Variants in MCM5 observed in about 807,000 individuals in gnomAD.
MCM5 encodes the protein DNA replication licensing factor MCM5.
Under a neutral mutation model 79.9 loss-of-function variants are expected in MCM5, and 46 were observed. That is an observed-to-expected ratio of 0.58 (90% confidence interval 0.45 to 0.74). MCM5 has a LOEUF of 0.74. Ranked by LOEUF, MCM5 falls within the 30% of genes least tolerant of loss-of-function variation. The pLI is 0.00. For missense variants in MCM5, 883 were observed against 1,017.0 expected, an observed-to-expected ratio of 0.87 and a Z score of 1.79; for synonymous variants, 404 against 390.5, an observed-to-expected ratio of 1.03 and a Z score of -0.41.
the MCM5 span, among the ~76,000 whole-genome samples, chr22:35,435,786 G>A: frequency 6.6e-6 from 1 of 152,342 alleles, no homozygotes; most frequent in African/African-American, 2.4e-5. Flanking sequence ...ATCTGCTGCA[G>A]GCCTGCTGGG....
chr22:35,406,752 G>A, intron 5 of MCM5, 27 bp downstream of exon 5: 1 of 1,601,114 alleles, frequency 6.2e-7, no homozygotes, highest in South Asian at 1.1e-5. Context: ...GAGGGACTGT[G>A]GGAGGTGACC....
Position 35,408,625 on chromosome 22 carries a change from AC to A in MCM5, c.752+65del, listed in dbSNP as rs1262345130. 11 of 1,554,040 alleles carry A rather than the reference AC, an allele frequency of 7.1e-6. No homozygotes were observed. The African/African-American group carries it at 8.1e-5, about 11-fold the overall frequency. On this transcript the variant is annotated intron_variant, in intron 6 of 16. Transcript: ENST00000216122. ...GGTGGATGTCCCAGCTGTGGCCCTA[AC>A]CCGAGTGTTGGGAGTGGGTCATCTG... is the stretch of plus-strand genomic sequence containing the variant.
At chr22:35,424,059 T>A in intron 16 of MCM5, 95 bp from the exon 17 acceptor site, 1 of 765,452 alleles carries the variant, frequency 1.3e-6, no homozygotes, top group Non-Finnish European at 2.1e-6. Context: ...CAAAGGAGCC[T>A]GAGTACAAAG....
chr22:35,439,342 T>A, the MCM5 span, among the ~76,000 whole-genome samples: 1 of 150,834 alleles, frequency 6.6e-6, no homozygotes, highest in Non-Finnish European at 1.5e-5. Flanking sequence ...TACCCACATA[T>A]TCATTCATCC....
rs1555903425 is a variant in MCM5 at position 35,406,302 on chromosome 22, C to CCCCG, written c.424-248_424-247insGCCC. Among the ~76,000 whole-genome samples the CCCCG allele has an allele frequency of 1.6e-3, 227 of 142,978 alleles. 5 individuals carry two copies. Among genetic ancestry groups the CCCCG allele is most frequent in the African/African-American group, 5.8e-3 (221 of 38,242 alleles). 93.8% of individuals were successfully genotyped at this position (142,978 alleles called of 152,430 possible). ...GTGTATCTCTTGCCCTGCCACCTCC[C>CCCCG]CCCCCAATTGTGCTGCGAGGTCTTT... is the stretch of plus-strand genomic sequence containing the variant. On this transcript the variant is annotated intron_variant, in intron 4 of 16. Coordinates refer to ENST00000216122, the MANE Select transcript of MCM5 (RefSeq NM_006739.4).
intron 11 of MCM5, 43 bp from the exon 12 acceptor site, chr22:35,416,595 C>T: frequency 2.6e-6 from 4 of 1,521,728 alleles, no homozygotes; most frequent in Non-Finnish European, 3.6e-6. Flanking sequence ...AAGAAGGCAT[C>T]TTTGCCATCT....
rs370921899 is a variant in MCM5, at chr22:35,415,876, G to A, written c.1251G>A (p.Ser417=). ...GCAGCGCAGCTGGACTGACAGCCTC[G>A]GTGATGAGGGACCCTTCGTCCCGGA... ...KGSSAAGLTA[S]VMRDPSSRNF... Residue 417 remains serine (S), a synonymous_variant, in exon 10 of 17, where the codon TCG becomes TCA. Transcript: ENST00000216122. 55 of 1,614,022 alleles carry A rather than the reference G, an allele frequency of 3.4e-5. No homozygotes were observed. Among genetic ancestry groups the A allele is most frequent in the Non-Finnish European group, 4.1e-5 (48 of 1,180,012 alleles).
At chr22:35,429,232 T>C (rs1234543309), downstream of MCM5, among the ~76,000 whole-genome samples, 2 of 151,892 alleles carry the variant, frequency 1.3e-5, no homozygotes, top group African/African-American at 4.8e-5. Flanking sequence ...GTGATCCACC[T>C]GCCTCGGCCT....
intron 13 of MCM5, among the ~76,000 whole-genome samples, chr22:35,418,371 A>G (rs575576779): frequency 4.6e-5 from 7 of 152,284 alleles, no homozygotes; most frequent in East Asian, 3.9e-4. Context: ...AATTATATAC[A>G]TAGTACTGGC....
intron 14 of MCM5, 59 bp downstream of exon 14, chr22:35,420,071 G>A: frequency 1.3e-6 from 2 of 1,531,966 alleles, no homozygotes; most frequent in Non-Finnish European, 1.8e-6. Context: ...ACAGCAGGGT[G>A]TGCTTGGCAA....
At chr22:35,444,507 C>T in the MCM5 span, among the ~76,000 whole-genome samples, 2 of 152,104 alleles carry the variant, frequency 1.3e-5, no homozygotes, top group East Asian at 1.9e-4. Context: ...CCTGGGCTGT[C>T]GCGGCCCAGA....
rs1349962902 is a variant in MCM5 at position 35,406,673 on chromosome 22, A to G, written c.544A>G (p.Ile182Val). 2.5e-6 allele frequency: 4 copies of G among 1,611,584 alleles called. No individual in the cohort carries two copies. Among genetic ancestry groups the G allele is most frequent in the Non-Finnish European group, 3.4e-6 (4 of 1,179,996 alleles). Residue 182 changes from isoleucine to valine, a missense_variant, in exon 5 of 17, where the codon ATT (isoleucine) becomes GTT (valine). Physicochemically the swap from Ile to Val is conservative, Grantham distance 29. This residue lies in a region of MCM5 where 455 missense variants were observed against 517.5 expected (regional missense o/e 0.88). Coordinates refer to ENST00000216122, the MANE Select transcript of MCM5 (RefSeq NM_006739.4). ...CAGCTGCCGCAACACCCTCACCAACATTGCCATGCGCCCTGGCCTCGAGGG... is the reference window on the plus strand; with the variant it reads ...CAGCTGCCGCAACACCCTCACCAACGTTGCCATGCGCCCTGGCCTCGAGGG... ...CRSCRNTLTNIAMRPGLEGYA... is the reference protein window; with the variant it reads ...CRSCRNTLTNVAMRPGLEGYA...
rs748906363 is a variant in MCM5 at position 35,425,096 on chromosome 22, A to C, written c.*841A>C. On this transcript the variant is annotated 3_prime_UTR_variant, in exon 17 of 17. Transcript: ENST00000216122. ...GGGGGATTCCTCACCCTGAGTTGTG[A>C]GGATTGAATGACAGAAGGCACTAGT... The C allele has an allele frequency of 1.3e-5, 2 of 152,142 alleles. No homozygotes were observed. The highest frequency in any genetic ancestry group is 4.8e-5 in the African/African-American group (2 of 41,436). 9.4% of individuals were successfully genotyped at this position (152,142 alleles called of 1,614,324 possible).
rs1293440847 is a variant in MCM5 at position 35,400,462 on chromosome 22, C to T, written c.24C>T (p.Gly8=). The change falls in exon 2 of 17, where the codon GGC becomes GGT. Residue 8 remains glycine (G), a synonymous_variant. Coordinates refer to ENST00000216122, the MANE Select transcript of MCM5 (RefSeq NM_006739.4). MSGFDDP[G]IFYSDSFGGD... ...TCATGTCGGGATTCGACGATCCTGG[C>T]ATTTTCTACAGCGACAGCTTCGGGG... The T allele has an allele frequency of 2.5e-6, 4 of 1,613,984 alleles. No individual in the cohort carries two copies. Among genetic ancestry groups the T allele is most frequent in the East Asian group, 2.2e-5 (1 of 44,892 alleles).
chr22:35,427,367 T>A (rs1300034866), downstream of MCM5, among the ~76,000 whole-genome samples: 2 of 152,246 alleles, frequency 1.3e-5, no homozygotes, highest in Non-Finnish European at 2.9e-5. Context: ...ACAAAAATGT[T>A]GAATTTCTAA....
chr22:35,426,527 C>T (rs1482745231), downstream of MCM5, among the ~76,000 whole-genome samples: 2 of 152,170 alleles, frequency 1.3e-5, no homozygotes, highest in African/African-American at 2.4e-5. Context: ...TCAGATCTGT[C>T]CCTACCCTCA....
the MCM5 span, among the ~76,000 whole-genome samples, chr22:35,439,329 A>T: frequency 6.6e-6 from 1 of 151,800 alleles, no homozygotes; most frequent in Non-Finnish European, 1.5e-5. Flanking sequence ...CCATCCATCC[A>T]TCTACCCACA....
At chr22:35,428,019 CTCT>C (rs1351555866), downstream of MCM5, among the ~76,000 whole-genome samples, 4 of 122,926 alleles carry the variant, frequency 3.3e-5, no homozygotes, top group African/African-American at 1.3e-4. Context: ...CTCTCTCTCT[CTCT>C]TTTTTTTTTT....
intron 12 of MCM5, 136 bp from the exon 13 acceptor site, chr22:35,417,608 C>T (rs1463015875): frequency 1.2e-5 from 8 of 680,960 alleles, no homozygotes; most frequent in East Asian, 2.6e-5. Flanking sequence ...AGGCTGAGCA[C>T]GCCTGAGATC....
Sources: gnomAD v4.1 joint callset for allele counts (sites outside exome capture counted in the v4.1 genomes callset) on GRCh38, gnomAD v4.1.1 for gene constraint, gnomAD v4.1.1 regional missense constraint, MANE v1.5 for transcripts, NCBI Gene and HGNC (gene_info 2026-07-23, HGNC 2026-07-21) for gene names.